USP48: variants seen among roughly 807,000 people sequenced by gnomAD.
USP48 encodes ubiquitin specific peptidase 48.
USP48 carries 43 observed loss-of-function variants against 150.7 expected under a neutral mutation model. That is an observed-to-expected ratio of 0.29 (90% CI 0.22 to 0.37). USP48 has a LOEUF of 0.37. USP48 is among the 10% of genes least tolerant of loss of function. USP48 has a pLI of 1.00. For synonymous variants in USP48, 396 were observed against 425.9 expected (o/e 0.93, Z 0.86); for missense variants, 813 against 1,249.6 (o/e 0.65, Z 5.27).
chr1:21,684,713 T>C (rs1232198156), intron 25 of USP48, among the ~76,000 whole-genome samples: 1 of 152,206 alleles, frequency 6.6e-6, no homozygotes, highest in Non-Finnish European at 1.5e-5. Context: ...TTTGAGTTGA[T>C]TTTAATATAT....
intron 20 of USP48, among the ~76,000 whole-genome samples, 171 bp from the exon 21 acceptor site, chr1:21,703,789 T>C (rs558192192): frequency 5.3e-5 from 8 of 152,298 alleles, no homozygotes; most frequent in African/African-American, 1.7e-4. Flanking sequence ...TGGGGTACAG[T>C]GGTATGAACA....
At chr1:21,742,688 G>A (rs1042122941) in intron 8 of USP48, among the ~76,000 whole-genome samples, 6 of 152,144 alleles carry the variant, frequency 3.9e-5, no homozygotes, top group Non-Finnish European at 8.8e-5. Context: ...GCCCATACCA[G>A]GTTCTTCCAG....
At chr1:21,765,651 A>G (rs2097859982) in intron 1 of USP48, among the ~76,000 whole-genome samples, 1 of 151,902 alleles carries the variant, frequency 6.6e-6, no homozygotes, top group Non-Finnish European at 1.5e-5. Flanking sequence ...AAGCTGAACA[A>G]GGCATGAGAC....
intron 5 of USP48, 72 bp downstream of exon 5, chr1:21,752,455 C>A (rs2097818854): frequency 6.4e-7 from 1 of 1,564,670 alleles, no homozygotes; most frequent in South Asian, 1.2e-5. Flanking sequence ...TGGAACTGCA[C>A]TGAAAAATAG....
Position 21,728,662 on chromosome 1 carries a change from T to G in USP48, c.1358A>C (p.Glu453Ala). The change falls in exon 11 of 27, where the codon GAA becomes GCA. Residue 453 changes from glutamate to alanine, a missense_variant. Coordinates refer to ENST00000308271, the MANE Select transcript of USP48 (RefSeq NM_032236.8). ...ACTTTGCTTACGCATCTCAGCCATT[T>G]CAATACACCACTCCTCAAATTTGGA... is the stretch of plus-strand genomic sequence containing the variant. Reference protein sequence around the residue: ...DNSKFEEWCIEMAEMRKQSVD... With the variant: ...DNSKFEEWCIAMAEMRKQSVD... 1 of 1,614,208 alleles carries G rather than the reference T, an allele frequency of 6.2e-7. No homozygotes were observed. Among genetic ancestry groups the G allele is most frequent in the Non-Finnish European group, 8.5e-7 (1 of 1,180,030 alleles).
chr1:21,744,736 C>T (rs928627422), intron 8 of USP48, among the ~76,000 whole-genome samples: 2 of 140,826 alleles, frequency 1.4e-5, no homozygotes, highest in African/African-American at 5.4e-5. Flanking sequence ...GAGATCATGC[C>T]ACTGCACTCC....
chr1:21,709,626 C>G (rs1217787541), intron 15 of USP48, among the ~76,000 whole-genome samples: 2 of 151,800 alleles, frequency 1.3e-5, no homozygotes, highest in Non-Finnish European at 2.9e-5. Flanking sequence ...TGGTATAACC[C>G]CATGTGGTTA....
chr1:21,769,458 G>C (rs898065196), intron 1 of USP48, among the ~76,000 whole-genome samples: 1 of 151,950 alleles, frequency 6.6e-6, no homozygotes, highest in Non-Finnish European at 1.5e-5. Flanking sequence ...TGTCACCCAG[G>C]CTAGAGTACA....
chr1:21,753,823 TAAAAAAAAAAAAA>T (rs11308463), intron 3 of USP48, among the ~76,000 whole-genome samples: 1 of 86,638 alleles, frequency 1.2e-5, no homozygotes, highest in Non-Finnish European at 2.2e-5. Context: ...CGAGACTCTT[TAAAAAAAAAAAAA>T]AAAAAAAAAA....
chr1:21,735,097 A>G (rs2097765821), intron 9 of USP48, among the ~76,000 whole-genome samples: 1 of 152,172 alleles, frequency 6.6e-6, no homozygotes, highest in African/African-American at 2.4e-5. Context: ...AAATTTCCTG[A>G]CCCAAGGAAA....
At chr1:21,696,803 A>AT (rs2097633844) in intron 22 of USP48, among the ~76,000 whole-genome samples, 1 of 151,656 alleles carries the variant, frequency 6.6e-6, no homozygotes, top group South Asian at 2.1e-4. Context: ...CAGTACTCCT[A>AT]TAAATCCCTC....
chr1:21,767,127 A>G (rs947193682), intron 1 of USP48, among the ~76,000 whole-genome samples: 25 of 152,152 alleles, frequency 1.6e-4, no homozygotes, highest in Admixed American at 1.4e-3. Context: ...CTCAGGGTGT[A>G]TAATACTCTA....
intron 1 of USP48, among the ~76,000 whole-genome samples, chr1:21,760,060 T>G (rs1218031168): frequency 8.5e-5 from 13 of 152,204 alleles, no homozygotes; most frequent in Non-Finnish European, 2.9e-5. Flanking sequence ...TCTGGTATAA[T>G]GCACAACACA....
chr1:21,730,823 C>T (rs915884187), intron 9 of USP48, among the ~76,000 whole-genome samples: 3 of 149,998 alleles, frequency 2.0e-5, no homozygotes, highest in Non-Finnish European at 4.4e-5. Context: ...TGCAGTGGCG[C>T]GATCTTGGCT....
At chr1:21,709,177 T>C (rs1480753136) in intron 15 of USP48, among the ~76,000 whole-genome samples, 7 of 152,114 alleles carry the variant, frequency 4.6e-5, no homozygotes, top group Non-Finnish European at 8.8e-5. Context: ...TGAGCCACTA[T>C]GCCTGGTCCC....
rs1465127605 is a variant in USP48 at position 21,753,148 on chromosome 1, T to C, written c.413-29A>G. 1.9e-6 allele frequency: 3 copies of C among 1,578,300 alleles called. No individual in the cohort carries two copies. The South Asian group carries it at 3.5e-5, about 19-fold the overall frequency. On this transcript the variant is annotated intron_variant, in intron 3 of 26. Coordinates refer to ENST00000308271, the MANE Select transcript of USP48 (RefSeq NM_032236.8). ...TTAAAACAAAAATATAGATTTGGGG[T>C]TTTTTAAGGTGCTACTTTTCTTTCC...
chr1:21,781,515 G>C (rs549392490), intron 1 of USP48, among the ~76,000 whole-genome samples: 1 of 152,096 alleles, frequency 6.6e-6, no homozygotes, highest in Non-Finnish European at 1.5e-5. Flanking sequence ...TGGGCAGATC[G>C]CTTGAGCCCA....
intron 5 of USP48, among the ~76,000 whole-genome samples, chr1:21,752,182 A>G (rs1297677656): frequency 1.3e-5 from 2 of 152,132 alleles, no homozygotes; most frequent in African/African-American, 4.8e-5. Context: ...CCATCACCCA[A>G]ATGTTGTATA....
intron 1 of USP48, chr1:21,768,539 C>T (rs1176221895): frequency 6.6e-6 from 1 of 152,100 alleles, no homozygotes; most frequent in Non-Finnish European, 1.5e-5. Context: ...TCATCTCAGA[C>T]TGAAAAATTT....
Sources: allele counts gnomAD v4.1 joint callset (sites outside exome capture counted in the v4.1 genomes callset), GRCh38; gene constraint gnomAD v4.1.1; transcripts MANE v1.5; gene names NCBI Gene and HGNC (gene_info 2026-07-23, HGNC 2026-07-21).